SUPT3H: variants seen among roughly 807,000 people sequenced by gnomAD.
The protein encoded by SUPT3H is SPT3 homolog, SAGA and STAGA complex component, also known as transcription initiation protein SPT3 homolog.
Under a neutral mutation model 44.3 loss-of-function variants are expected in SUPT3H, and 44 were observed. That is an observed-to-expected ratio of 0.99 (90% CI 0.78 to 1.28). SUPT3H has a LOEUF of 1.28. SUPT3H is among the 50% of genes most tolerant of loss of function. The pLI, the probability that SUPT3H is intolerant of heterozygous loss-of-function variation, is 0.00. For synonymous variants in SUPT3H, 124 were observed against 125.6 expected (o/e 0.99, Z 0.09); for missense variants, 380 against 387.1 (o/e 0.98, Z 0.15).
At chr6:45,272,955 T>C (rs1233059107) in intron 2 of SUPT3H, among the ~76,000 whole-genome samples, 1 of 152,196 alleles carries the variant, frequency 6.6e-6, no homozygotes, top group Non-Finnish European at 1.5e-5. Flanking sequence ...TATTGTTCTT[T>C]GTCTTTAGGA....
rs397778032 is a variant in SUPT3H at position 44,810,907 on chromosome 6, CA to C, written c.*53-1407del. The stretch of plus-strand genomic sequence containing the variant: ...GATGACAGAGCGAGAGACTCCATCT[CA>C]AAAAAAAAAAAAATTTATATTAGAA... On this transcript the variant is annotated intron_variant and NMD_transcript_variant, in intron 11 of 11. Coordinates refer to the SUPT3H transcript ENST00000475057. 1.3e-3 allele frequency among the ~76,000 whole-genome samples: 178 copies of C among 141,816 alleles called. No individual in the cohort carries two copies. The East Asian group carries it at 0.013, about 10-fold the overall frequency. The allele number at this position is 141,816 out of a possible 152,430, so 93.0% of individuals were successfully genotyped here. A position where few individuals can be genotyped will look rare whatever the true frequency, so the allele number is the denominator to read the frequency against.
At chr6:45,119,557 A>G (rs901939006) in intron 2 of SUPT3H, among the ~76,000 whole-genome samples, 1 of 152,198 alleles carries the variant, frequency 6.6e-6, no homozygotes, top group African/African-American at 2.4e-5. Flanking sequence ...TATGCTTATT[A>G]TATGTATATA....
At chr6:44,838,744 TATTAA>T (rs1373061008) in intron 10 of SUPT3H, among the ~76,000 whole-genome samples, 1 of 151,976 alleles carries the variant, frequency 6.6e-6, no homozygotes, top group Non-Finnish European at 1.5e-5. Flanking sequence ...AAACTCTTTA[TATTAA>T]ATTAGAGTAC....
intron 2 of SUPT3H, among the ~76,000 whole-genome samples, chr6:45,123,995 G>T (rs1181482288): frequency 2.6e-5 from 4 of 152,124 alleles, no homozygotes; most frequent in African/African-American, 9.7e-5. Context: ...ACAAAAACAG[G>T]GAGCTATGTT....
chr6:44,870,974 C>G (rs1225063483), intron 10 of SUPT3H, among the ~76,000 whole-genome samples: 2 of 151,450 alleles, frequency 1.3e-5, no homozygotes, highest in Admixed American at 6.6e-5. Context: ...AGACTATATC[C>G]CACACCTGGC....
intron 3 of SUPT3H, among the ~76,000 whole-genome samples, chr6:45,069,158 GCCTT>G (rs1220417388): frequency 2.0e-5 from 3 of 152,070 alleles, no homozygotes; most frequent in Non-Finnish European, 4.4e-5. Flanking sequence ...ATTATCTGTG[GCCTT>G]GTAACCAAGA....
intron 2 of SUPT3H, among the ~76,000 whole-genome samples, chr6:45,188,437 A>T (rs1814606741): frequency 6.6e-6 from 1 of 152,242 alleles, no homozygotes; most frequent in Non-Finnish European, 1.5e-5. Context: ...GTGAAGGTGG[A>T]AAAGGCATTA....
intron 3 of SUPT3H, among the ~76,000 whole-genome samples, chr6:45,042,104 A>T (rs1226643580): frequency 6.6e-6 from 1 of 152,196 alleles, no homozygotes; most frequent in Non-Finnish European, 1.5e-5. Context: ...AAAGCTTTTT[A>T]AAAAACATCA....
At chr6:44,901,053 A>G (rs2153448091) in intron 10 of SUPT3H, among the ~76,000 whole-genome samples, 2 of 152,306 alleles carry the variant, frequency 1.3e-5, no homozygotes, top group Non-Finnish European at 2.9e-5. Context: ...AAAGGTAGAT[A>G]AAACCACAAA....
intron 2 of SUPT3H, among the ~76,000 whole-genome samples, chr6:45,271,934 A>C (rs949517761): frequency 2.6e-5 from 4 of 152,192 alleles, no homozygotes; most frequent in African/African-American, 9.7e-5. Context: ...ATCATTTTGG[A>C]GCATTAAGAT....
chr6:45,162,723 G>C (rs924919650), intron 2 of SUPT3H, among the ~76,000 whole-genome samples: 1 of 152,104 alleles, frequency 6.6e-6, no homozygotes, highest in Admixed American at 6.6e-5. Context: ...GAGACTTCAA[G>C]TCCCTTAAAA....
intron 2 of SUPT3H, among the ~76,000 whole-genome samples, chr6:45,190,878 T>TA (rs1223447926): frequency 6.6e-6 from 1 of 152,082 alleles, no homozygotes; most frequent in Non-Finnish European, 1.5e-5. Context: ...AACAATGAGT[T>TA]ACAACTATGG....
intron 2 of SUPT3H, among the ~76,000 whole-genome samples, chr6:45,114,408 C>T (rs2153576082): frequency 6.6e-6 from 1 of 152,088 alleles, no homozygotes; most frequent in Middle Eastern, 3.4e-3. Flanking sequence ...GAAATGTATG[C>T]AATGGGCAGT....
intron 2 of SUPT3H, among the ~76,000 whole-genome samples, chr6:45,273,106 C>T (rs1291713000): frequency 6.6e-6 from 1 of 152,156 alleles, no homozygotes; most frequent in Non-Finnish European, 1.5e-5. Flanking sequence ...ACCTTGGCAC[C>T]CATCGGGTGG....
rs1168022694 is a variant in SUPT3H, at chr6:45,003,603, G to A, written c.504+50C>T. 3 of 1,589,324 alleles carry A rather than the reference G, an allele frequency of 1.9e-6. No individual in the cohort carries two copies. The South Asian group carries it at 3.4e-5, about 18-fold the overall frequency. On this transcript the variant is annotated intron_variant, in intron 6 of 10. Coordinates refer to ENST00000371459, the MANE Select transcript of SUPT3H (RefSeq NM_003599.4). ...ATGAGAATAGGACCAAACAGCATAGGCACTGCAATGATTGTTCTATTTCTG... is the reference window on the plus strand; with the variant it reads ...ATGAGAATAGGACCAAACAGCATAGACACTGCAATGATTGTTCTATTTCTG...
rs1310077846 is a variant in SUPT3H at position 44,828,267 on chromosome 6, G to T, written c.*1549C>A. ...CCAAGGAAAATAAGAATGATAAAAA[G>T]TTTAATCATAATCATACATTTTAAC... is the stretch of plus-strand genomic sequence containing the variant. On this transcript the variant is annotated 3_prime_UTR_variant, in exon 11 of 11. Transcript: ENST00000371459. Among the ~76,000 whole-genome samples, 1 of 149,332 alleles carries T rather than the reference G, an allele frequency of 6.7e-6. No individual in the cohort carries two copies. The highest frequency in any genetic ancestry group is 1.5e-5 in the Non-Finnish European group (1 of 67,842).
At chr6:45,304,325 T>G (rs9463083) in intron 2 of SUPT3H, among the ~76,000 whole-genome samples, 61,044 of 151,966 alleles carry the variant, frequency 0.4, 12,688 homozygotes, top group East Asian at 0.71. Context: ...AGGTCTAATT[T>G]TGAAAATCAA....
At chr6:44,865,846 G>C (rs566052729) in intron 10 of SUPT3H, among the ~76,000 whole-genome samples, 1 of 152,158 alleles carries the variant, frequency 6.6e-6, no homozygotes, top group African/African-American at 2.4e-5. Context: ...GAGTTCTGCT[G>C]TAAAAGGGCA....
intron 10 of SUPT3H, among the ~76,000 whole-genome samples, chr6:44,841,952 G>GTA (rs1771008379): frequency 6.6e-6 from 1 of 152,172 alleles, no homozygotes; most frequent in African/African-American, 2.4e-5. Context: ...ATGTGTGTGT[G>GTA]TATATACACA....
Sources: gnomAD v4.1 joint callset for allele counts (sites outside exome capture counted in the v4.1 genomes callset) on GRCh38, gnomAD v4.1.1 for gene constraint, MANE v1.5 for transcripts, NCBI Gene and HGNC (gene_info 2026-07-23, HGNC 2026-07-21) for gene names.